The following FER variants were observed in gnomAD, a reference collection of about 807,000 sequenced individuals.
The protein encoded by FER is tyrosine-protein kinase Fer.
FER carries 63 observed loss-of-function variants against 111.0 expected under a neutral mutation model. The observed-to-expected ratio is 0.57, with a 90% CI of 0.46 to 0.70. The LOEUF (loss-of-function observed/expected upper bound fraction) is 0.70. FER is among the 30% of genes least tolerant of loss of function. The pLI, the probability that FER is intolerant of heterozygous loss-of-function variation, is 0.00. For missense variants in FER, 914 were observed against 954.0 expected, an observed-to-expected ratio of 0.96 and a Z score of 0.55; for synonymous variants, 327 against 313.9, an observed-to-expected ratio of 1.04 and a Z score of -0.44.
intron 13 of FER, among the ~76,000 whole-genome samples, chr5:108,968,364 G>T (rs926243846): frequency 1.3e-5 from 2 of 152,008 alleles, no homozygotes; most frequent in African/African-American, 4.8e-5. Flanking sequence ...TCTAGCCTGG[G>T]CCACAGAGAG....
At chr5:109,120,159 T>G (rs1173259862) in intron 17 of FER, among the ~76,000 whole-genome samples, 4 of 152,152 alleles carry the variant, frequency 2.6e-5, no homozygotes, top group African/African-American at 9.6e-5. Context: ...CCTATGCTTG[T>G]GAGGTATTAC....
intron 12 of FER, among the ~76,000 whole-genome samples, chr5:108,958,701 C>T (rs1360933154): frequency 2.6e-5 from 4 of 151,782 alleles, no homozygotes; most frequent in African/African-American, 7.2e-5. Flanking sequence ...GAATACTCCA[C>T]TACAGAAAGC....
At chr5:108,954,328 T>C (rs997438684) in intron 11 of FER, among the ~76,000 whole-genome samples, 1 of 152,084 alleles carries the variant, frequency 6.6e-6, no homozygotes, top group African/African-American at 2.4e-5. Context: ...GTTAATTACA[T>C]AAAAAAGAAA....
At position 109,051,386 on chromosome 5, in the gene FER, C is replaced by T. The variant is rs538075287; in HGVS notation, c.1924+4188C>T. 292 of 1,612,682 alleles carry T rather than the reference C, an allele frequency of 1.8e-4. 4 individuals carry two copies. In the South Asian group the frequency reaches 3.1e-3, roughly 17 times the overall value. Reference sequence around the variant, plus strand: ...GCTCTGCTTGAAGGTTGCTGGTCCACAATGGCTAGTGGCTGTAGTTCATGT... The same window carrying T: ...GCTCTGCTTGAAGGTTGCTGGTCCATAATGGCTAGTGGCTGTAGTTCATGT... On this transcript the variant is annotated intron_variant, in intron 16 of 19. Coordinates refer to ENST00000281092, the MANE Select transcript of FER (RefSeq NM_005246.4).
At chr5:108,859,473 G>A (rs1397221536) in intron 5 of FER, among the ~76,000 whole-genome samples, 3 of 152,102 alleles carry the variant, frequency 2.0e-5, no homozygotes, top group Non-Finnish European at 4.4e-5. Flanking sequence ...TCTACTCATA[G>A]CCAATTTAAA....
rs115559611 is a variant in FER, at chr5:109,151,545, A to T, written c.2049-29202A>T. 3.9e-3 allele frequency among the ~76,000 whole-genome samples: 586 copies of T among 152,204 alleles called. 3 individuals carry two copies. Among genetic ancestry groups the T allele is most frequent in the African/African-American group, 0.013 (553 of 41,560 alleles). ...TGGGATGTATTTTCTTTCATTGGTAAATTAGGGCATTTGCTGTAGTAGAAA... is the reference window on the plus strand; with the variant it reads ...TGGGATGTATTTTCTTTCATTGGTATATTAGGGCATTTGCTGTAGTAGAAA... On this transcript the variant is annotated intron_variant, in intron 17 of 19. Transcript: ENST00000281092.
At chr5:108,835,942 C>G (rs1292860334) in intron 5 of FER, 135 bp downstream of exon 5, 2 of 484,732 alleles carry the variant, frequency 4.1e-6, no homozygotes, top group African/African-American at 4.0e-5. Flanking sequence ...CCCACATTGG[C>G]TAATTGTCAA....
At chr5:108,831,979 T>C (rs1272615807) in intron 3 of FER, among the ~76,000 whole-genome samples, 1 of 152,138 alleles carries the variant, frequency 6.6e-6, no homozygotes, top group Non-Finnish European at 1.5e-5. Context: ...CCTTTTTTTT[T>C]TAAAAGTATG....
chr5:108,876,981 A>T (rs1045245749), intron 8 of FER, among the ~76,000 whole-genome samples: 2 of 152,092 alleles, frequency 1.3e-5, no homozygotes, highest in Non-Finnish European at 2.9e-5. Flanking sequence ...ATAAATACCT[A>T]TGTACCATGC....
chr5:109,082,979 G>GA (rs1229767607), intron 16 of FER, among the ~76,000 whole-genome samples: 4 of 151,568 alleles, frequency 2.6e-5, no homozygotes, highest in Non-Finnish European at 5.9e-5. Context: ...CCCAAAAAAA[G>GA]AAAAAAAGGC....
intron 9 of FER, chr5:108,894,362 G>T: frequency 1.0e-6 from 1 of 987,112 alleles, no homozygotes; most frequent in Non-Finnish European, 1.3e-6. Context: ...TCTGCTGCAA[G>T]GGTTCCTTCC....
At chr5:108,792,645 A>G (rs924021946) in intron 2 of FER, among the ~76,000 whole-genome samples, 2 of 150,636 alleles carry the variant, frequency 1.3e-5, no homozygotes, top group Non-Finnish European at 2.9e-5. Context: ...CCCTAAAATT[A>G]CTTTCAACAG....
intron 13 of FER, among the ~76,000 whole-genome samples, chr5:108,989,253 A>G (rs1762904831): frequency 6.6e-6 from 1 of 152,072 alleles, no homozygotes; most frequent in Non-Finnish European, 1.5e-5. Context: ...ACTAGTCATT[A>G]TGAGAAAACG....
At chr5:108,909,225 A>G (rs987645740) in intron 10 of FER, among the ~76,000 whole-genome samples, 1 of 152,172 alleles carries the variant, frequency 6.6e-6, no homozygotes, top group African/African-American at 2.4e-5. Context: ...TGTGAATGTT[A>G]TGATTTATTG....
At chr5:109,097,138 A>G (rs1257412741) in intron 16 of FER, among the ~76,000 whole-genome samples, 5 of 151,824 alleles carry the variant, frequency 3.3e-5, no homozygotes, top group African/African-American at 1.2e-4. Flanking sequence ...TCTGTTTTCC[A>G]GAAGTTTAGA....
rs1764227304 is a variant in FER at position 108,867,848 on chromosome 5, C to G, written c.563C>G (p.Ala188Gly). 6.2e-7 allele frequency: 1 copy of G among 1,612,034 alleles called. No homozygotes were observed. The highest frequency in any genetic ancestry group is 8.5e-7 in the Non-Finnish European group (1 of 1,179,242). Residue 188 changes from alanine to glycine, a missense_variant, in exon 6 of 20, where the codon GCG becomes GGG. Ala to Gly is a moderately conservative substitution (Grantham distance 60). This residue lies in a region of FER where 774 missense variants were observed against 782.6 expected (regional missense o/e 0.99). Transcript: ENST00000281092. ...LHMLHNQYVLALKGAQLHQNQ... is the reference protein window; with the variant it reads ...LHMLHNQYVLGLKGAQLHQNQ... Reference sequence around the variant, plus strand: ...ATGTTGCACAATCAGTATGTATTGGCGTTGAAAGGGGCACAGCTCCATCAG... The same window carrying G: ...ATGTTGCACAATCAGTATGTATTGGGGTTGAAAGGGGCACAGCTCCATCAG...
At chr5:108,845,029 T>TAC (rs1761827538) in intron 5 of FER, among the ~76,000 whole-genome samples, 3 of 56,482 alleles carry the variant, frequency 5.3e-5, no homozygotes, top group African/African-American at 1.9e-4. Flanking sequence ...TATATATATA[T>TAC]ATATATATAT....
intron 10 of FER, among the ~76,000 whole-genome samples, chr5:108,912,505 G>C (rs1489648465): frequency 6.6e-6 from 1 of 152,134 alleles, no homozygotes; most frequent in East Asian, 1.9e-4. Flanking sequence ...GGGATTACAG[G>C]TGCCCACCAC....
intron 8 of FER, among the ~76,000 whole-genome samples, chr5:108,879,110 GTAT>G (rs1765381640): frequency 6.6e-6 from 1 of 151,908 alleles, no homozygotes. Flanking sequence ...CAAATGTTAA[GTAT>G]TATGTCATTT....
Sources: allele counts gnomAD v4.1 joint callset (sites outside exome capture counted in the v4.1 genomes callset), GRCh38; gene constraint gnomAD v4.1.1; regional missense constraint gnomAD v4.1.1; transcripts MANE v1.5; gene names NCBI Gene and HGNC (gene_info 2026-07-23, HGNC 2026-07-21).